The following ST7 variants were observed in gnomAD, a reference collection of about 807,000 sequenced individuals.
The protein encoded by ST7 is suppressor of tumorigenicity 7 protein.
Under a neutral mutation model 78.7 loss-of-function variants are expected in ST7, and 28 were observed. The observed-to-expected ratio is 0.36, with a 90% CI of 0.26 to 0.49. The LOEUF is 0.49. Ranked by LOEUF, ST7 falls within the 20% of genes least tolerant of loss-of-function variation. The pLI, the probability that ST7 is intolerant of heterozygous loss-of-function variation, is 0.99. For missense variants in ST7, 418 were observed against 696.0 expected (o/e 0.60, Z 4.49); for synonymous variants, 247 against 249.6 (o/e 0.99, Z 0.10).
At chr7:116,968,013 A>G (rs942720719) in intron 1 of ST7, among the ~76,000 whole-genome samples, 10 of 152,220 alleles carry the variant, frequency 6.6e-5, no homozygotes, top group Middle Eastern at 3.4e-3. Flanking sequence ...GAATAAGCTT[A>G]TATTATCTCT....
Position 117,219,273 on chromosome 7 carries a change from TA to T in ST7, c.1498+98del. On this transcript the variant is annotated intron_variant, in intron 14 of 15. Coordinates refer to ENST00000323984, the MANE Select transcript of ST7 (RefSeq NM_001369598.1). The surrounding 1 kb of genome is among the most constrained non-coding windows in gnomAD (Gnocchi z 5.1). The stretch of plus-strand genomic sequence containing the variant: ...AAAGTTTAGAATGCTCCTTGTCTTT[TA>T]TTACTTTTCTCCAAACCCCTGTCCT... 1 of 986,806 alleles carries T rather than the reference TA, an allele frequency of 1.0e-6. No homozygotes were observed. Among genetic ancestry groups the T allele is most frequent in the South Asian group, 1.6e-5 (1 of 63,018 alleles). 61.1% of individuals were successfully genotyped at this position (986,806 alleles called of 1,614,324 possible). A position where few individuals can be genotyped will look rare whatever the true frequency, so the allele number is the denominator to read the frequency against.
intron 9 of ST7, among the ~76,000 whole-genome samples, chr7:117,149,499 C>T (rs1806073817): frequency 6.6e-6 from 1 of 151,780 alleles, no homozygotes; most frequent in South Asian, 2.1e-4. Flanking sequence ...TGATGGGCTC[C>T]TCTGGCATTT....
In ST7 at chr7:117,209,945, A is replaced by G; in HGVS notation, c.1405+8A>G. ...ATTGTACGTGGGAAGGCAGTAAGTA[A>G]TTTTCTTTTTTTGAAACATTTTTAA... On this transcript the variant is annotated splice_region_variant and intron_variant, in intron 13 of 15. Coordinates refer to ENST00000323984, the MANE Select transcript of ST7 (RefSeq NM_001369598.1). The G allele has an allele frequency of 2.5e-6, 4 of 1,601,930 alleles. No homozygotes were observed. The South Asian group carries it at 3.4e-5, about 13-fold the overall frequency.
intron 13 of ST7, among the ~76,000 whole-genome samples, chr7:117,218,491 C>T (rs1339791890): frequency 2.0e-5 from 3 of 152,160 alleles, no homozygotes; most frequent in Non-Finnish European, 4.4e-5. Context: ...TTAATCTCTC[C>T]AGATCAATTT....
At chr7:117,109,772 C>T (rs938856450) in intron 2 of ST7, among the ~76,000 whole-genome samples, 67 of 152,178 alleles carry the variant, frequency 4.4e-4, no homozygotes, top group Middle Eastern at 3.4e-3. Context: ...CTCTGATGAA[C>T]GTAGATACAA....
At chr7:117,192,957 G>T (rs1809931568) in intron 12 of ST7, among the ~76,000 whole-genome samples, 1 of 152,110 alleles carries the variant, frequency 6.6e-6, no homozygotes, top group Non-Finnish European at 1.5e-5. Context: ...AACTACCTGG[G>T]TAAACTGACT....
intron 1 of ST7, among the ~76,000 whole-genome samples, chr7:116,984,907 A>T (rs1011084638): frequency 2.6e-5 from 4 of 152,126 alleles, no homozygotes; most frequent in African/African-American, 7.2e-5. Flanking sequence ...TAAATTTGTT[A>T]AAAAAATTGG....
chr7:117,169,698 C>T (rs529518845), intron 9 of ST7, among the ~76,000 whole-genome samples: 12 of 152,196 alleles, frequency 7.9e-5, no homozygotes, highest in African/African-American at 1.4e-4. Context: ...TGCTACTGTA[C>T]CTGGGCTGCT....
chr7:117,208,125 C>T (rs1791949105), intron 12 of ST7, among the ~76,000 whole-genome samples: 2 of 152,022 alleles, frequency 1.3e-5, no homozygotes, highest in Non-Finnish European at 2.9e-5. Flanking sequence ...AAACATAGTG[C>T]AAATTGGATT....
At chr7:117,146,825 T>G (rs1805829387) in intron 9 of ST7, among the ~76,000 whole-genome samples, 1 of 152,146 alleles carries the variant, frequency 6.6e-6, no homozygotes, top group African/African-American at 2.4e-5. Flanking sequence ...ACGAGTTCAG[T>G]TTTGAACATG....
At chr7:116,962,495 T>C (rs1404463761) in intron 1 of ST7, among the ~76,000 whole-genome samples, 3 of 152,198 alleles carry the variant, frequency 2.0e-5, no homozygotes, top group African/African-American at 4.8e-5. Context: ...TGGTGTGAGA[T>C]GGTATCTCAT....
At chr7:117,226,131 C>T (rs996501486) in intron 15 of ST7, among the ~76,000 whole-genome samples, 12 of 152,156 alleles carry the variant, frequency 7.9e-5, no homozygotes, top group African/African-American at 2.9e-4. Context: ...TATTGATTAC[C>T]GTGAAATGTC....
chr7:117,167,328 T>A (rs1807644925), intron 9 of ST7, among the ~76,000 whole-genome samples: 1 of 149,254 alleles, frequency 6.7e-6, no homozygotes, highest in Admixed American at 6.8e-5. Context: ...TCATTGAATG[T>A]AATGAAAGCT....
At chr7:117,192,728 A>G (rs567593760) in intron 12 of ST7, among the ~76,000 whole-genome samples, 2 of 152,140 alleles carry the variant, frequency 1.3e-5, no homozygotes, top group Non-Finnish European at 2.9e-5. Flanking sequence ...ATTTTGATTG[A>G]AGTAGTCATT....
intron 9 of ST7, among the ~76,000 whole-genome samples, chr7:117,164,551 A>G (rs77940464): frequency 0.049 from 7,515 of 152,236 alleles, 619 homozygotes; most frequent in African/African-American, 0.17. Context: ...AATTTGTGCA[A>G]ATTCACACAG....
At chr7:116,969,306 C>T (rs1205769257) in intron 1 of ST7, among the ~76,000 whole-genome samples, 1 of 152,056 alleles carries the variant, frequency 6.6e-6, no homozygotes, top group Admixed American at 6.6e-5. Flanking sequence ...GTTTTTCAGA[C>T]TTTCCTTGTT....
chr7:117,173,036 A>G (rs1389086474), intron 10 of ST7, among the ~76,000 whole-genome samples: 1 of 152,206 alleles, frequency 6.6e-6, no homozygotes, highest in African/African-American at 2.4e-5. Context: ...TTCTGATAAC[A>G]TATGTTCACA....
intron 10 of ST7, among the ~76,000 whole-genome samples, chr7:117,188,976 G>A (rs1159383209): frequency 2.0e-5 from 3 of 152,034 alleles, no homozygotes; most frequent in Admixed American, 1.3e-4. Context: ...ACACTTTCAT[G>A]TCTTTCACAT....
intron 2 of ST7, among the ~76,000 whole-genome samples, chr7:117,111,569 G>A (rs59020889): frequency 0.024 from 3,702 of 152,256 alleles, 155 homozygotes; most frequent in African/African-American, 0.085. Flanking sequence ...TAGTTCACAA[G>A]GTGAAAGCTA....
Sources: allele counts gnomAD v4.1 joint callset (sites outside exome capture counted in the v4.1 genomes callset), GRCh38; gene constraint gnomAD v4.1.1; non-coding constraint Gnocchi (gnomAD v3.1); transcripts MANE v1.5; gene names NCBI Gene and HGNC (gene_info 2026-07-23, HGNC 2026-07-21).